TOPAZ1: variants seen among roughly 807,000 people sequenced by gnomAD.
The protein encoded by TOPAZ1 is testis and ovary specific TOPAZ 1, also known as protein TOPAZ1.
TOPAZ1 carries 66 observed loss-of-function variants against 172.2 expected under a neutral mutation model. The ratio of observed to expected loss-of-function variants is 0.38; its 90% CI spans 0.31 to 0.47. TOPAZ1 has a LOEUF of 0.47. TOPAZ1 is among the 20% of genes least tolerant of loss of function. TOPAZ1 has a pLI of 0.99. For synonymous variants in TOPAZ1, 681 were observed against 683.9 expected (o/e 1.00, Z 0.07); for missense variants, 1,822 against 1,972.4 (o/e 0.92, Z 1.44).
chr3:44,257,885 A>G (rs1699732668), intron 4 of TOPAZ1, among the ~76,000 whole-genome samples: 1 of 152,118 alleles, frequency 6.6e-6, no homozygotes, highest in African/African-American at 2.4e-5. Context: ...CTACCTCTTA[A>G]CAGTCATACC....
intron 8 of TOPAZ1, among the ~76,000 whole-genome samples, chr3:44,275,626 A>G (rs896574201): frequency 2.6e-5 from 4 of 152,004 alleles, no homozygotes; most frequent in African/African-American, 9.7e-5. Context: ...TTGATTCCAT[A>G]TCTTTGCTAT....
intron 16 of TOPAZ1, among the ~76,000 whole-genome samples, chr3:44,315,913 T>C (rs951753299): frequency 3.9e-5 from 6 of 152,082 alleles, no homozygotes; most frequent in Admixed American, 6.5e-5. Context: ...TTGCTTGAGT[T>C]TTTATAGTAA....
chr3:44,250,869 C>T (rs770709305), intron 2 of TOPAZ1, among the ~76,000 whole-genome samples: 1 of 152,020 alleles, frequency 6.6e-6, no homozygotes, highest in Non-Finnish European at 1.5e-5. Context: ...CAGTATTGTA[C>T]GTGATTGAAC....
chr3:44,245,217 C>CA lies in TOPAZ1; in HGVS notation c.2712dup (p.Asp905ArgfsTer15), dbSNP rs1228233866. 7.1e-6 allele frequency: 11 copies of CA among 1,550,622 alleles called. No individual in the cohort carries two copies. The highest frequency in any genetic ancestry group is 9.6e-6 in the Non-Finnish European group (11 of 1,146,764). ...AATGTTGCTGGAGAGCACCAATCAA[C>CA]AGACTCCAAGTACATGGAAACTCCA... On this transcript the variant is annotated frameshift_variant, in exon 2 of 20. Transcript: ENST00000309765. LOFTEE classifies it high-confidence loss of function.
At chr3:44,256,115 TTA>T in intron 3 of TOPAZ1, 34 bp from the exon 4 acceptor site, 1 of 1,444,680 alleles carries the variant, frequency 6.9e-7, no homozygotes, top group Non-Finnish European at 9.2e-7. Context: ...TATTTTGTCT[TTA>T]AAGTTTCTAT....
At chr3:44,255,147 CAT>C (rs1227289686) in intron 3 of TOPAZ1, 118 bp downstream of exon 3, 1 of 636,998 alleles carries the variant, frequency 1.6e-6, no homozygotes, top group East Asian at 2.9e-5. Context: ...GTCTGTTGAC[CAT>C]ATGTTTTATA....
Position 44,243,263 on chromosome 3 carries a change from A to T in TOPAZ1, c.757A>T (p.Met253Leu). 1.3e-6 allele frequency: 2 copies of T among 1,551,590 alleles called. No individual in the cohort carries two copies. Among genetic ancestry groups the T allele is most frequent in the Non-Finnish European group, 1.7e-6 (2 of 1,146,946 alleles). The change falls in exon 2 of 20, where the codon ATG becomes TTG. Residue 253 changes from methionine to leucine, a missense_variant. Met to Leu is a conservative substitution (Grantham distance 15). Coordinates refer to ENST00000309765, the MANE Select transcript of TOPAZ1 (RefSeq NM_001145030.2). ...GCCATATAAACCTGATGGTGGATGT[A>T]TGCATGTAGCAGAAAATTTCTCAAA... ...NLPYKPDGGCMHVAENFSKKE... is the reference protein window; with the variant it reads ...NLPYKPDGGCLHVAENFSKKE...
intron 3 of TOPAZ1, among the ~76,000 whole-genome samples, chr3:44,255,304 AAAATG>A (rs200731531): frequency 0.011 from 1,719 of 152,292 alleles, 30 homozygotes; most frequent in African/African-American, 0.037. Context: ...TCTTATTTTG[AAAATG>A]AAATATGTAT....
chr3:44,241,978 C>T lies in TOPAZ1; in HGVS notation c.-76C>T. The T allele has an allele frequency of 7.3e-7, 1 of 1,370,652 alleles. No homozygotes were observed. 84.9% of individuals were successfully genotyped at this position (1,370,652 alleles called of 1,614,324 possible). ...TCAGAGGGCAGTAGGTACCTCCAGGCGGGAGCAGCGTTTGCACCGCGGTGG... is the reference window on the plus strand; with the variant it reads ...TCAGAGGGCAGTAGGTACCTCCAGGTGGGAGCAGCGTTTGCACCGCGGTGG... On this transcript the variant is annotated 5_prime_UTR_variant, in exon 1 of 20. Transcript: ENST00000309765.
At position 44,259,133 on chromosome 3, in the gene TOPAZ1, C is replaced by A. The variant is rs147051743; in HGVS notation, c.2955+2855C>A. Among the ~76,000 whole-genome samples the A allele has an allele frequency of 1.1e-3, 170 of 152,252 alleles. 2 individuals are homozygous for A. The East Asian group carries it at 0.032, about 29-fold the overall frequency. The stretch of plus-strand genomic sequence containing the variant: ...TCTGTTCTTCTGGTTGTTAGTAGGG[C>A]AAATTGTTGTCCTCCCCAAGTGGTT... On this transcript the variant is annotated intron_variant, in intron 4 of 19. Coordinates refer to ENST00000309765, the MANE Select transcript of TOPAZ1 (RefSeq NM_001145030.2).
chr3:44,303,269 C>T (rs201105051), intron 12 of TOPAZ1, among the ~76,000 whole-genome samples: 1 of 152,092 alleles, frequency 6.6e-6, no homozygotes, highest in South Asian at 2.1e-4. Flanking sequence ...TTGGTGAACT[C>T]ATAGTTAGGT....
At chr3:44,263,369 C>G (rs987619509) in intron 5 of TOPAZ1, among the ~76,000 whole-genome samples, 1 of 152,310 alleles carries the variant, frequency 6.6e-6, no homozygotes, top group Non-Finnish European at 1.5e-5. Context: ...CAACTTGACT[C>G]TAGCATAGCG....
Position 44,306,265 on chromosome 3 carries a change from G to T in TOPAZ1, c.4040-61G>T, listed in dbSNP as rs1447840580. The stretch of plus-strand genomic sequence containing the variant: ...AGTATCAATAATTCTGTATTAGTTT[G>T]CCTCTTCCATCATTTTAAGTGACTA... On this transcript the variant is annotated intron_variant, in intron 14 of 19. Transcript: ENST00000309765. 19 of 1,070,410 alleles carry T rather than the reference G, an allele frequency of 1.8e-5. No individual in the cohort carries two copies. In the South Asian group the frequency reaches 2.6e-4, roughly 15 times the overall value. 66.3% of individuals were successfully genotyped at this position (1,070,410 alleles called of 1,614,324 possible).
At chr3:44,323,351 C>T in intron 18 of TOPAZ1, 56 bp downstream of exon 18, 1 of 1,100,690 alleles carries the variant, frequency 9.1e-7, no homozygotes, top group Non-Finnish European at 1.3e-6. Context: ...TTCTCTAACC[C>T]AGAATTTATA....
At chr3:44,313,057 A>G (rs1485520749) in intron 16 of TOPAZ1, among the ~76,000 whole-genome samples, 1 of 152,250 alleles carries the variant, frequency 6.6e-6, no homozygotes, top group African/African-American at 2.4e-5. Flanking sequence ...ACTAGGCTGC[A>G]TGGTTTTCTA....
chr3:44,297,031 C>T (rs1700206769), intron 12 of TOPAZ1, among the ~76,000 whole-genome samples: 1 of 151,412 alleles, frequency 6.6e-6, no homozygotes, highest in Non-Finnish European at 1.5e-5. Context: ...ATTAGCTGGG[C>T]ATGGTGGCAC....
intron 9 of TOPAZ1, among the ~76,000 whole-genome samples, chr3:44,286,551 T>C (rs892099539): frequency 4.6e-5 from 7 of 152,212 alleles, no homozygotes; most frequent in African/African-American, 1.7e-4. Context: ...TTAACATTAA[T>C]TTTTCATTTG....
chr3:44,278,482 G>A (rs1208830249), intron 8 of TOPAZ1, among the ~76,000 whole-genome samples: 1 of 152,088 alleles, frequency 6.6e-6, no homozygotes, highest in Non-Finnish European at 1.5e-5. Context: ...TTGGAATTCA[G>A]CAATGAAGTC....
intron 18 of TOPAZ1, among the ~76,000 whole-genome samples, chr3:44,323,954 G>A (rs964542547): frequency 5.9e-5 from 9 of 152,120 alleles, no homozygotes; most frequent in African/African-American, 2.2e-4. Context: ...TTTGTCTTCA[G>A]CTACCATTTC....
Sources: gnomAD v4.1 joint callset for allele counts (sites outside exome capture counted in the v4.1 genomes callset) on GRCh38, gnomAD v4.1.1 for gene constraint, MANE v1.5 for transcripts, NCBI Gene and HGNC (gene_info 2026-07-23, HGNC 2026-07-21) for gene names.